DNAJC3: variants seen among roughly 807,000 people sequenced by gnomAD.
DNAJC3 encodes the protein dnaJ homolog subfamily C member 3.
In DNAJC3, 38 loss-of-function variants were observed where a neutral mutation model predicts 68.6. The observed-to-expected ratio is 0.55, with a 90% CI of 0.43 to 0.73. The LOEUF (loss-of-function observed/expected upper bound fraction) is 0.73, where lower values mean the gene tolerates loss of function less well. Among genes scored for constraint, DNAJC3 ranks in the 30% least tolerant of loss-of-function variants. DNAJC3 has a pLI of 0.00. For missense variants in DNAJC3, 526 were observed against 591.9 expected, an observed-to-expected ratio of 0.89 and a Z score of 1.16; for synonymous variants, 203 against 204.0, an observed-to-expected ratio of 1.00 and a Z score of 0.04.
chr13:95,690,856 T>A (rs1593953245), intron 1 of DNAJC3, among the ~76,000 whole-genome samples: 1 of 105,918 alleles, frequency 9.4e-6, no homozygotes, highest in Non-Finnish European at 1.9e-5. Context: ...CACTTCCCAG[T>A]AGGGGCGGCC....
chr13:95,678,798 T>C (rs1412726655), intron 1 of DNAJC3, among the ~76,000 whole-genome samples: 4 of 152,196 alleles, frequency 2.6e-5, no homozygotes, highest in Admixed American at 6.5e-5. Context: ...TTAGAATTGC[T>C]GTTCTGTATA....
intron 1 of DNAJC3, among the ~76,000 whole-genome samples, chr13:95,704,851 G>GTGTTTTTTTTTTTTTTTTTT (rs1555323371): frequency 1.5e-4 from 15 of 97,850 alleles, no homozygotes; most frequent in African/African-American, 7.8e-4. Flanking sequence ...GTGTGTGTGT[G>GTGTTTTTTTTTTTTTTTTTT]TTTTTTTTTT....
intron 1 of DNAJC3, among the ~76,000 whole-genome samples, chr13:95,692,219 A>C (rs7330463): frequency 1.5e-4 from 23 of 152,328 alleles, no homozygotes; most frequent in African/African-American, 2.6e-4. Flanking sequence ...AGAATGTTCC[A>C]CACACAGATG....
At chr13:95,789,499 G>A (rs1883702052) in intron 11 of DNAJC3, among the ~76,000 whole-genome samples, 1 of 152,152 alleles carries the variant, frequency 6.6e-6, no homozygotes, top group African/African-American at 2.4e-5. Flanking sequence ...TCTTTTTTAT[G>A]GCTGCATAGT....
rs539796992 is a variant in DNAJC3 at position 95,709,861 on chromosome 13, C to G, written c.193+524C>G. Among the ~76,000 whole-genome samples the G allele has an allele frequency of 1.8e-3, 280 of 152,100 alleles. 3 individuals carry two copies. Among genetic ancestry groups the G allele is most frequent in the Middle Eastern group, 6.8e-3 (2 of 292 alleles). On this transcript the variant is annotated intron_variant, in intron 2 of 11. Coordinates refer to ENST00000602402, the MANE Select transcript of DNAJC3 (RefSeq NM_006260.5). Reference sequence around the variant, plus strand: ...TCACCATATTAGCCAGGATGGTCTCCATCTCCTGACCTCGTGATCCGCCCG... The same window carrying G: ...TCACCATATTAGCCAGGATGGTCTCGATCTCCTGACCTCGTGATCCGCCCG...
intron 2 of DNAJC3, among the ~76,000 whole-genome samples, chr13:95,712,621 A>G (rs1593971109): frequency 1.3e-5 from 2 of 151,350 alleles, no homozygotes; most frequent in African/African-American, 4.9e-5. Context: ...CAAGTCATCC[A>G]CCCGCCTCCC....
At chr13:95,685,331 A>C (rs1210077155) in intron 1 of DNAJC3, among the ~76,000 whole-genome samples, 1 of 152,236 alleles carries the variant, frequency 6.6e-6, no homozygotes, top group Non-Finnish European at 1.5e-5. Flanking sequence ...TAGCACGTGC[A>C]TGGGGCCCGT....
At chr13:95,687,900 A>G (rs548752892) in intron 1 of DNAJC3, among the ~76,000 whole-genome samples, 1 of 152,312 alleles carries the variant, frequency 6.6e-6, no homozygotes, top group South Asian at 2.1e-4. Context: ...GATTCTTCCA[A>G]CCTGTGAGCA....
chr13:95,751,814 C>A (rs912067808), intron 4 of DNAJC3, among the ~76,000 whole-genome samples: 2 of 152,140 alleles, frequency 1.3e-5, no homozygotes, highest in African/African-American at 4.8e-5. Context: ...GCTGGGGAGG[C>A]CTCACAATCA....
intron 9 of DNAJC3, among the ~76,000 whole-genome samples, chr13:95,773,731 C>CTCTCTTTTT (rs1359420907): frequency 1.4e-5 from 1 of 71,336 alleles, no homozygotes; most frequent in African/African-American, 5.7e-5. Context: ...TTTTGTTGGT[C>CTCTCTTTTT]TTTTTTTTTT....
chr13:95,716,844 G>A (rs563512146), intron 2 of DNAJC3, among the ~76,000 whole-genome samples: 28 of 152,238 alleles, frequency 1.8e-4, no homozygotes, highest in African/African-American at 6.3e-4. Context: ...TATGGGGTGC[G>A]TGGCTGGCCA....
intron 11 of DNAJC3, 74 bp from the exon 12 acceptor site, chr13:95,790,797 CTG>C: frequency 7.6e-7 from 1 of 1,320,012 alleles, no homozygotes; most frequent in Non-Finnish European, 1.0e-6. Flanking sequence ...CCACCCTCCT[CTG>C]CCCAAAGAAA....
chr13:95,693,921 A>G (rs1013868573), intron 1 of DNAJC3: 22 of 152,092 alleles, frequency 1.4e-4, no homozygotes, highest in African/African-American at 5.1e-4. Context: ...GCCTAATTAA[A>G]TTTTATTTCC....
intron 6 of DNAJC3, 34 bp from the exon 7 acceptor site, chr13:95,760,645 A>T: frequency 1.3e-6 from 2 of 1,580,372 alleles, no homozygotes; most frequent in Non-Finnish European, 8.6e-7. Context: ...TTGTTTTGAC[A>T]TGGAGTATTT....
intron 4 of DNAJC3, among the ~76,000 whole-genome samples, chr13:95,737,780 G>T (rs995155117): frequency 9.6e-5 from 14 of 145,580 alleles, no homozygotes; most frequent in Non-Finnish European, 1.5e-4. Context: ...CCAGCTCCTG[G>T]ATTCATTAAT....
intron 2 of DNAJC3, among the ~76,000 whole-genome samples, chr13:95,711,404 G>A (rs1880958219): frequency 6.6e-6 from 1 of 151,928 alleles, no homozygotes; most frequent in South Asian, 2.1e-4. Context: ...AGCCAAGACT[G>A]GAGAATCACT....
chr13:95,790,759 C>G lies in DNAJC3; in HGVS notation c.1358-114C>G, dbSNP rs529495599. On this transcript the variant is annotated intron_variant, in intron 11 of 11. Coordinates refer to ENST00000602402, the MANE Select transcript of DNAJC3 (RefSeq NM_006260.5). ...AATGTCAGGCACAACTCTTGATAAC[C>G]GAAAAGTAAGTAGCTCCTCAAGCCC... 16 of 1,241,410 alleles carry G rather than the reference C, an allele frequency of 1.3e-5. No individual in the cohort carries two copies. In the South Asian group the frequency reaches 1.9e-4, roughly 14 times the overall value. 76.9% of individuals were successfully genotyped at this position (1,241,410 alleles called of 1,614,324 possible).
In DNAJC3 at chr13:95,763,914, C is replaced by A. The variant is rs1594013989; in HGVS notation, c.1036C>A (p.Arg346=). ...TGACAATGTGAATGCCCTGAAAGAT[C>A]GAGCAGAGGCCTATTTGATAGAGGA... is the stretch of plus-strand genomic sequence containing the variant. The part of the protein sequence containing the change: ...EPDNVNALKD[R]AEAYLIEEMY... The change falls in exon 9 of 12, where the codon CGA becomes AGA. Residue 346 remains arginine (R), a synonymous_variant. Transcript: ENST00000602402. 1 of 1,613,984 alleles carries A rather than the reference C, an allele frequency of 6.2e-7. No individual in the cohort carries two copies. The highest frequency in any genetic ancestry group is 1.1e-5 in the South Asian group (1 of 91,060).
intron 2 of DNAJC3, among the ~76,000 whole-genome samples, chr13:95,722,762 G>C (rs540871635): frequency 2.8e-4 from 39 of 137,766 alleles, no homozygotes; most frequent in Non-Finnish European, 2.0e-4. Context: ...CAAGGCTGCA[G>C]AGGGCCATGA....
Sources: gnomAD v4.1 joint callset for allele counts (sites outside exome capture counted in the v4.1 genomes callset) on GRCh38, gnomAD v4.1.1 for gene constraint, MANE v1.5 for transcripts, NCBI Gene and HGNC (gene_info 2026-07-23, HGNC 2026-07-21) for gene names.